KCNH8: variants seen among roughly 807,000 people sequenced by gnomAD.
KCNH8 encodes potassium voltage-gated channel subfamily H member 8.
KCNH8 carries 70 observed loss-of-function variants against 103.6 expected under a neutral mutation model. The ratio of observed to expected loss-of-function variants is 0.68; its 90% CI spans 0.56 to 0.82. The LOEUF is 0.82. KCNH8 is among the 40% of genes least tolerant of loss of function. The pLI, the probability that KCNH8 is intolerant of heterozygous loss-of-function variation, is 0.00. For missense variants in KCNH8, 1,217 were observed against 1,329.9 expected (o/e 0.92, Z 1.32); for synonymous variants, 498 against 489.4 (o/e 1.02, Z -0.23).
intron 1 of KCNH8, among the ~76,000 whole-genome samples, chr3:19,149,832 G>T (rs954262956): frequency 6.6e-6 from 1 of 152,194 alleles, no homozygotes; most frequent in Non-Finnish European, 1.5e-5. Context: ...AGTGGTTCAA[G>T]TGTCATTGCT....
At chr3:19,203,069 A>G (rs1323781985) in intron 1 of KCNH8, among the ~76,000 whole-genome samples, 2 of 152,180 alleles carry the variant, frequency 1.3e-5, no homozygotes, top group African/African-American at 4.8e-5. Flanking sequence ...TGAATACGTA[A>G]TAAGCTATAA....
intron 3 of KCNH8, among the ~76,000 whole-genome samples, chr3:19,302,045 C>T (rs1020060490): frequency 6.6e-6 from 1 of 152,096 alleles, no homozygotes; most frequent in Non-Finnish European, 1.5e-5. Flanking sequence ...CTTGCATTTA[C>T]GGTTTTGATG....
intron 9 of KCNH8, chr3:19,450,872 C>T: frequency 2.6e-6 from 1 of 386,982 alleles, no homozygotes; most frequent in South Asian, 2.8e-5. Flanking sequence ...GACTAGGACT[C>T]TCTGTGAGAA....
At chr3:19,375,565 C>T (rs1289288449) in intron 5 of KCNH8, among the ~76,000 whole-genome samples, 2 of 150,826 alleles carry the variant, frequency 1.3e-5, no homozygotes, top group African/African-American at 4.9e-5. Flanking sequence ...CCTCCCGTAG[C>T]TCAGAGTAAT....
intron 1 of KCNH8, among the ~76,000 whole-genome samples, chr3:19,206,828 T>C (rs1163432832): frequency 6.6e-6 from 1 of 151,916 alleles, no homozygotes; most frequent in Non-Finnish European, 1.5e-5. Context: ...CAGAACCAAA[T>C]GCAGAAAGAA....
intron 11 of KCNH8, among the ~76,000 whole-genome samples, chr3:19,474,060 G>T (rs940884735): frequency 6.6e-6 from 1 of 152,170 alleles, no homozygotes; most frequent in Admixed American, 6.5e-5. Context: ...CCTTAGGCAT[G>T]TGGGGCATTT....
chr3:19,347,128 G>A (rs1481684742), intron 4 of KCNH8, among the ~76,000 whole-genome samples: 1 of 152,052 alleles, frequency 6.6e-6, no homozygotes, highest in African/African-American at 2.4e-5. Flanking sequence ...TGTCAGTCAA[G>A]GTAACGAGAT....
intron 5 of KCNH8, among the ~76,000 whole-genome samples, chr3:19,370,394 T>A (rs577914462): frequency 6.6e-6 from 1 of 152,206 alleles, no homozygotes; most frequent in East Asian, 1.9e-4. Flanking sequence ...TTCGTTTTAA[T>A]TAAGTGAAAA....
intron 5 of KCNH8, among the ~76,000 whole-genome samples, chr3:19,389,733 T>C (rs2066407837): frequency 1.3e-5 from 2 of 152,080 alleles, no homozygotes; most frequent in South Asian, 4.1e-4. Flanking sequence ...GCTCAAGTGA[T>C]TCTTCCACCT....
intron 7 of KCNH8, among the ~76,000 whole-genome samples, chr3:19,397,704 T>C (rs1039886509): frequency 6.6e-6 from 1 of 151,804 alleles, no homozygotes; most frequent in African/African-American, 2.4e-5. Flanking sequence ...AAAATTTATC[T>C]TTAGAGAATT....
intron 1 of KCNH8, among the ~76,000 whole-genome samples, chr3:19,189,082 C>T (rs1482348107): frequency 6.6e-6 from 1 of 152,066 alleles, no homozygotes; most frequent in Non-Finnish European, 1.5e-5. Flanking sequence ...TTTTCATCCT[C>T]AGCTTACAAT....
chr3:19,342,326 G>A (rs1170906856), intron 3 of KCNH8, among the ~76,000 whole-genome samples: 1 of 152,024 alleles, frequency 6.6e-6, no homozygotes, highest in Non-Finnish European at 1.5e-5. Flanking sequence ...ACCCATTAAT[G>A]ATTTCCTGAA....
intron 15 of KCNH8, among the ~76,000 whole-genome samples, chr3:19,520,441 CA>C (rs2125247473): frequency 6.6e-6 from 1 of 152,004 alleles, no homozygotes; most frequent in South Asian, 2.1e-4. Flanking sequence ...TTGGATAGTG[CA>C]TAAAAACCCA....
chr3:19,450,195 G>A lies in KCNH8; in HGVS notation c.1465G>A (p.Asp489Asn). The part of the protein sequence containing the change: ...RWSLYHTRTK[D>N]LKDFIRVHHL... ...GTCCCTCTATCACACTAGAACTAAG[G>A]ATCTGAAAGATTTCATCCGTGTCCA... Residue 489 changes from aspartate to asparagine, a missense_variant, in exon 9 of 16, where the codon GAT becomes AAT. Coordinates refer to ENST00000328405, the MANE Select transcript of KCNH8 (RefSeq NM_144633.3). 2 of 1,613,472 alleles carry A rather than the reference G, an allele frequency of 1.2e-6. No individual in the cohort carries two copies. Among genetic ancestry groups the A allele is most frequent in the Non-Finnish European group, 1.7e-6 (2 of 1,179,686 alleles).
chr3:19,419,709 G>C (rs577138318), intron 7 of KCNH8, among the ~76,000 whole-genome samples: 19 of 151,726 alleles, frequency 1.3e-4, no homozygotes, highest in Middle Eastern at 3.4e-3. Flanking sequence ...TATTTACGAA[G>C]GCCCCCATTT....
intron 11 of KCNH8, 97 bp downstream of exon 11, chr3:19,457,079 AG>A (rs2067544515): frequency 1.3e-6 from 1 of 752,686 alleles, no homozygotes; most frequent in Non-Finnish European, 2.1e-6. Flanking sequence ...CACCTTAAAA[AG>A]TCTCTGAATA....
At chr3:19,320,584 A>AT (rs200753266) in intron 3 of KCNH8, among the ~76,000 whole-genome samples, 1,699 of 151,462 alleles carry the variant, frequency 0.011, 25 homozygotes, top group African/African-American at 0.038. Flanking sequence ...GGTCACTAGT[A>AT]TTTTTTTTGA....
intron 10 of KCNH8, among the ~76,000 whole-genome samples, chr3:19,456,340 A>T (rs1028303800): frequency 6.6e-6 from 1 of 152,070 alleles, no homozygotes; most frequent in Non-Finnish European, 1.5e-5. Flanking sequence ...ACAGACTTGT[A>T]TTGAAGCCTG....
intron 2 of KCNH8, among the ~76,000 whole-genome samples, chr3:19,260,127 G>T (rs751717624): frequency 1.3e-5 from 2 of 151,516 alleles, no homozygotes; most frequent in African/African-American, 4.8e-5. Context: ...ATGTCTAAAG[G>T]TAAATTTGAT....
Sources: allele counts gnomAD v4.1 joint callset (sites outside exome capture counted in the v4.1 genomes callset), GRCh38; gene constraint gnomAD v4.1.1; transcripts MANE v1.5; gene names NCBI Gene and HGNC (gene_info 2026-07-23, HGNC 2026-07-21).